Variants in TNRC18 observed in about 807,000 individuals in gnomAD.
The protein encoded by TNRC18 is trinucleotide repeat-containing gene 18 protein.
A neutral mutation model predicts 226.7 loss-of-function variants in TNRC18; 69 were observed. The observed-to-expected ratio is 0.30, with a 90% confidence interval of 0.25 to 0.37. TNRC18 has a LOEUF of 0.37. Among genes scored for constraint, TNRC18 ranks in the 10% least tolerant of loss-of-function variants. The pLI, the probability that TNRC18 is intolerant of heterozygous loss-of-function variation, is 1.00. For missense variants in TNRC18, 4,754 were observed against 4,256.6 expected (o/e 1.12, Z -3.25); for synonymous variants, 2,449 against 1,927.6 (o/e 1.27, Z -7.09).
At position 5,359,512 on chromosome 7, in the gene TNRC18, T is replaced by C. The variant is rs368797697; in HGVS notation, c.4719A>G (p.Arg1573=). The change falls in exon 15 of 30, where the codon AGA becomes AGG. Residue 1573 remains arginine, a synonymous_variant. Transcript: ENST00000430969. ...CCTCCTCAGACCCCTTGTGTCTCTT[T>C]CTTATCCCTGCTCCCAGCTCATAAT... The part of the protein sequence containing the change: ...SDDYELGAGI[R]KRHKGSEEEH... The C allele has an allele frequency of 2.2e-4, 356 of 1,613,908 alleles. No individual in the cohort carries two copies. Among genetic ancestry groups the C allele is most frequent in the Non-Finnish European group, 1.3e-4 (152 of 1,179,888 alleles).
chr7:5,378,136 G>A (rs1779137671), intron 5 of TNRC18, 112 bp from the exon 6 acceptor site: 1 of 775,324 alleles, frequency 1.3e-6, no homozygotes, highest in East Asian at 2.7e-5. Context: ...CGACGGTCCT[G>A]CACAGCCATC....
intron 16 of TNRC18, among the ~76,000 whole-genome samples, chr7:5,356,261 C>T (rs1562537876): frequency 1.3e-5 from 2 of 152,028 alleles, no homozygotes. Flanking sequence ...CCAGGTTTAA[C>T]CCCGAGTCGC....
intron 16 of TNRC18, among the ~76,000 whole-genome samples, chr7:5,353,492 GAGGTTGC>G (rs1339980674): frequency 1.3e-5 from 2 of 148,810 alleles, no homozygotes. Flanking sequence ...CCGGGAGGTG[GAGGTTGC>G]AGTGCGGCCG....
intron 2 of TNRC18, among the ~76,000 whole-genome samples, chr7:5,413,421 A>G (rs898893381): frequency 1.3e-5 from 2 of 152,228 alleles, no homozygotes; most frequent in Middle Eastern, 3.4e-3. Context: ...CCAAAGGGCC[A>G]TAACCCTGGA....
At chr7:5,311,331 G>T (rs1425912422) in intron 27 of TNRC18, among the ~76,000 whole-genome samples, 1 of 152,258 alleles carries the variant, frequency 6.6e-6, no homozygotes, top group Admixed American at 6.5e-5. Context: ...GGGCACACGG[G>T]ACCCCGACCT....
intron 13 of TNRC18, 54 bp downstream of exon 13, chr7:5,361,843 G>T: frequency 6.6e-7 from 1 of 1,509,360 alleles, no homozygotes; most frequent in South Asian, 1.3e-5. Flanking sequence ...GCGCGCCTGG[G>T]GGCCTGGTGG....
chr7:5,320,445 A>G lies in TNRC18; in HGVS notation c.6637-19T>C, dbSNP rs376663963. 1.8e-4 allele frequency: 278 copies of G among 1,562,520 alleles called. No individual in the cohort carries two copies. Among genetic ancestry groups the G allele is most frequent in the Non-Finnish European group, 2.3e-4 (265 of 1,153,470 alleles). On this transcript the variant is annotated intron_variant, in intron 23 of 29. Transcript: ENST00000430969. ...CGATGATCTAGAAGGGCATGGGATG[A>G]GTGCAAGGTGTGGACACAGTTATGG...
At chr7:5,389,468 T>TCC in intron 4 of TNRC18, 132 bp from the exon 5 acceptor site, 1 of 1,102,092 alleles carries the variant, frequency 9.1e-7, no homozygotes, top group Non-Finnish European at 1.1e-6. Flanking sequence ...TTGGTTTTTT[T>TCC]TTTCAGAAAG....
At chr7:5,330,189 C>T (rs1789371000) in intron 19 of TNRC18, among the ~76,000 whole-genome samples, 1 of 152,132 alleles carries the variant, frequency 6.6e-6, no homozygotes, top group Admixed American at 6.6e-5. Context: ...ACCTCGGCCT[C>T]CCAAAGTGCT....
At chr7:5,365,062 T>C (rs1413119638) in intron 11 of TNRC18, among the ~76,000 whole-genome samples, 3 of 152,062 alleles carry the variant, frequency 2.0e-5, no homozygotes, top group Admixed American at 6.6e-5. Context: ...AGAACACTCT[T>C]GAATTGATGA....
chr7:5,390,348 G>A, intron 4 of TNRC18, 137 bp downstream of exon 4: 4 of 934,256 alleles, frequency 4.3e-6, no homozygotes, highest in Non-Finnish European at 6.2e-6. Context: ...AACATAGTGA[G>A]ACCCTGTCTC....
In TNRC18 at chr7:5,387,743, C is replaced by G. The variant is rs369115613; in HGVS notation, c.2081G>C (p.Ser694Thr). Residue 694 changes from serine to threonine, a missense_variant, in exon 5 of 30, where the codon AGT (serine) becomes ACT (threonine). By Grantham distance (58) the Ser-to-Thr change is moderately conservative. Transcript: ENST00000430969. The stretch of plus-strand genomic sequence containing the variant: ...AGGCCCCAGCCGGCCACTGCCGCCA[C>G]TGTCCTTCTGCCGGGCCACAGCCAC... The part of the protein sequence containing the change: ...IAVAVARQKD[S>T]GGSGRLGPGL... 355 of 1,607,404 alleles carry G rather than the reference C, an allele frequency of 2.2e-4. 2 individuals carry two copies. Among genetic ancestry groups the G allele is most frequent in the Middle Eastern group, 1.6e-3 (10 of 6,062 alleles).
At position 5,377,869 on chromosome 7, in the gene TNRC18, C is replaced by G; in HGVS notation, c.2255+53G>C. ...TGGGGTCATCCAGCTGCCCCTCACC[C>G]CCAGGGGCTCCTAGATACCCCCTAG... is the stretch of plus-strand genomic sequence containing the variant. On this transcript the variant is annotated intron_variant, in intron 6 of 29. Coordinates refer to ENST00000430969, the MANE Select transcript of TNRC18 (RefSeq NM_001080495.3). The surrounding 1 kb of genome is among the most constrained non-coding windows in gnomAD (Gnocchi z 5.8). 6.4e-7 allele frequency: 1 copy of G among 1,556,948 alleles called. No homozygotes were observed. The highest frequency in any genetic ancestry group is 8.8e-7 in the Non-Finnish European group (1 of 1,130,844).
intron 10 of TNRC18, among the ~76,000 whole-genome samples, chr7:5,373,689 G>A (rs1018309210): frequency 6.6e-6 from 1 of 152,104 alleles, no homozygotes; most frequent in Non-Finnish European, 1.5e-5. Flanking sequence ...CCCACAGAAC[G>A]GGGGGAAAGC....
intron 5 of TNRC18, among the ~76,000 whole-genome samples, chr7:5,387,371 T>C (rs1029033964): frequency 6.6e-6 from 1 of 152,228 alleles, no homozygotes; most frequent in Non-Finnish European, 1.5e-5. Flanking sequence ...ATTTGTCTAT[T>C]CCCAAGACCA....
chr7:5,328,243 C>T (rs552594358), intron 19 of TNRC18, among the ~76,000 whole-genome samples: 1 of 151,984 alleles, frequency 6.6e-6, no homozygotes, highest in East Asian at 1.9e-4. Flanking sequence ...ATACTGATGT[C>T]CAGGTGTGGT....
intron 14 of TNRC18, among the ~76,000 whole-genome samples, chr7:5,361,289 G>A (rs763715339): frequency 2.6e-5 from 4 of 152,194 alleles, no homozygotes; most frequent in Non-Finnish European, 5.9e-5. Context: ...GAGGAGGCGC[G>A]TGGAAAAGAG....
rs1304248048 is a variant in TNRC18, at chr7:5,362,639, C to T, written c.4395+11G>A. 6.5e-6 allele frequency: 10 copies of T among 1,547,374 alleles called. No individual in the cohort carries two copies. The East Asian group carries it at 2.3e-4, about 36-fold the overall frequency. ...CCGCGGACCCCAGGGAGGAAGCAGC[C>T]AGCCGCTCACCCGCTCCTCCTTCTT... is the stretch of plus-strand genomic sequence containing the variant. On this transcript the variant is annotated intron_variant, in intron 12 of 29. Coordinates refer to ENST00000430969, the MANE Select transcript of TNRC18 (RefSeq NM_001080495.3).
intron 19 of TNRC18, 44 bp from the exon 20 acceptor site, chr7:5,325,292 A>C: frequency 6.5e-7 from 1 of 1,536,470 alleles, no homozygotes; most frequent in Non-Finnish European, 8.7e-7. Context: ...ACGGCAGGGA[A>C]AGCACAGGCA....
Sources: allele counts gnomAD v4.1 joint callset (sites outside exome capture counted in the v4.1 genomes callset), GRCh38; gene constraint gnomAD v4.1.1; non-coding constraint Gnocchi (gnomAD v3.1); transcripts MANE v1.5; gene names NCBI Gene and HGNC (gene_info 2026-07-23, HGNC 2026-07-21).